AMOTL1: variants seen among roughly 807,000 people sequenced by gnomAD.
The protein encoded by AMOTL1 is angiomotin-like protein 1.
AMOTL1 carries 45 observed loss-of-function variants against 102.9 expected under a neutral mutation model. The observed-to-expected ratio is 0.44, with a 90% CI of 0.34 to 0.56. AMOTL1 has a LOEUF of 0.56. Ranked by LOEUF, AMOTL1 falls within the 20% of genes least tolerant of loss-of-function variation. AMOTL1 has a pLI of 0.01. For missense variants in AMOTL1, 1,114 were observed against 1,225.6 expected, an observed-to-expected ratio of 0.91 and a Z score of 1.36; for synonymous variants, 481 against 484.7, an observed-to-expected ratio of 0.99 and a Z score of 0.10.
At chr11:94,708,013 A>G (rs569455606) in intron 1 of AMOTL1, among the ~76,000 whole-genome samples, 2 of 152,292 alleles carry the variant, frequency 1.3e-5, no homozygotes, top group East Asian at 3.9e-4. Context: ...CAGCACCTGC[A>G]CAATCCAATC....
At chr11:94,796,364 CA>C (rs1157007917) in intron 2 of AMOTL1, among the ~76,000 whole-genome samples, 1 of 152,176 alleles carries the variant, frequency 6.6e-6, no homozygotes, top group Non-Finnish European at 1.5e-5. Flanking sequence ...CCTCAACAAT[CA>C]TGTCCTGAAC....
At chr11:94,731,919 A>G (rs77910647) in intron 2 of AMOTL1, among the ~76,000 whole-genome samples, 3,623 of 152,218 alleles carry the variant, frequency 0.024, 139 homozygotes, top group East Asian at 0.14. Flanking sequence ...TAAAATGAAA[A>G]CTAGCCCTGA....
intron 8 of AMOTL1, among the ~76,000 whole-genome samples, chr11:94,856,077 G>GTTT (rs201609386): frequency 0.061 from 9,307 of 152,152 alleles, 384 homozygotes; most frequent in Middle Eastern, 0.15. Context: ...TGTTGTTGTT[G>GTTT]TTTTAATGAG....
intron 3 of AMOTL1, among the ~76,000 whole-genome samples, chr11:94,750,507 G>A (rs1403250590): frequency 6.6e-6 from 1 of 152,122 alleles, no homozygotes; most frequent in African/African-American, 2.4e-5. Context: ...CCTCCTGATT[G>A]CGACACAAGC....
rs1374805746 is a variant in AMOTL1 at position 94,871,559 on chromosome 11, G to T, written c.*764G>T. On this transcript the variant is annotated 3_prime_UTR_variant, in exon 13 of 13. Coordinates refer to ENST00000433060, the MANE Select transcript of AMOTL1 (RefSeq NM_130847.3). ...ACATAGCAGAATTCCTTAGGTATGG[G>T]ATTTATGAGACCAGTACCTGAACTG... 6.6e-6 allele frequency: 1 copy of T among 151,980 alleles called. No homozygotes were observed. The highest frequency in any genetic ancestry group is 6.6e-5 in the Admixed American group (1 of 15,260). 9.4% of individuals were successfully genotyped at this position (151,980 alleles called of 1,614,324 possible). A position where few individuals can be genotyped will look rare whatever the true frequency, so the allele number is the denominator to read the frequency against.
At chr11:94,810,830 AGACAC>A (rs1483535057) in intron 3 of AMOTL1, among the ~76,000 whole-genome samples, 2 of 65,218 alleles carry the variant, frequency 3.1e-5, no homozygotes, top group African/African-American at 1.3e-4. Context: ...GAAAAATAAA[AGACAC>A]ACACACACAC....
chr11:94,798,573 G>T (rs573855066), intron 2 of AMOTL1, among the ~76,000 whole-genome samples: 1 of 152,156 alleles, frequency 6.6e-6, no homozygotes, highest in Non-Finnish European at 1.5e-5. Flanking sequence ...TCGTCTGGCA[G>T]TTGTAGATGT....
intron 1 of AMOTL1, among the ~76,000 whole-genome samples, chr11:94,787,604 C>T (rs1282971426): frequency 1.4e-5 from 2 of 138,258 alleles, no homozygotes; most frequent in African/African-American, 2.7e-5. Context: ...AGGAGAATGG[C>T]GTGAACCCGG....
chr11:94,749,166 C>T (rs963340685), intron 3 of AMOTL1, among the ~76,000 whole-genome samples: 2 of 152,186 alleles, frequency 1.3e-5, no homozygotes, highest in Non-Finnish European at 2.9e-5. Context: ...GTCTGAAATC[C>T]TCAGAACCAT....
At chr11:94,792,788 C>T (rs1565353427) in intron 1 of AMOTL1, among the ~76,000 whole-genome samples, 1 of 152,118 alleles carries the variant, frequency 6.6e-6, no homozygotes, top group Non-Finnish European at 1.5e-5. Flanking sequence ...TGCTTTAGTT[C>T]TTTCATGACA....
chr11:94,829,053 C>T (rs138998981), intron 4 of AMOTL1, among the ~76,000 whole-genome samples: 3 of 152,178 alleles, frequency 2.0e-5, no homozygotes, highest in African/African-American at 7.2e-5. Context: ...TAGAATAGAG[C>T]TATTTGTTAT....
chr11:94,870,590 G>A, intron 12 of AMOTL1, 99 bp from the exon 13 acceptor site: 1 of 774,296 alleles, frequency 1.3e-6, no homozygotes, highest in Non-Finnish European at 2.0e-6. Flanking sequence ...AGAATCCTGG[G>A]TGTGCAGTGG....
chr11:94,764,846 C>T (rs1950836382), upstream of AMOTL1, among the ~76,000 whole-genome samples: 1 of 152,210 alleles, frequency 6.6e-6, no homozygotes, highest in South Asian at 2.1e-4. Context: ...GTGCCCAGCA[C>T]TTGACCTGTA....
intron 3 of AMOTL1, among the ~76,000 whole-genome samples, chr11:94,754,714 T>G (rs947847301): frequency 6.6e-6 from 1 of 152,238 alleles, no homozygotes. Flanking sequence ...TAAAGGAATT[T>G]TAGGGATATA....
At chr11:94,826,642 C>T (rs1951969348) in intron 4 of AMOTL1, among the ~76,000 whole-genome samples, 1 of 152,146 alleles carries the variant, frequency 6.6e-6, no homozygotes, top group Non-Finnish European at 1.5e-5. Flanking sequence ...CTGCAAAATC[C>T]AGTCTAGTCT....
chr11:94,808,282 C>T (rs140468541), intron 3 of AMOTL1, among the ~76,000 whole-genome samples: 96 of 151,532 alleles, frequency 6.3e-4, no homozygotes, highest in African/African-American at 2.0e-3. Flanking sequence ...ATTCTTTTAC[C>T]CTCCTCTCAC....
chr11:94,731,470 C>A (rs58872675), intron 2 of AMOTL1, among the ~76,000 whole-genome samples: 3,006 of 152,088 alleles, frequency 0.02, 113 homozygotes, highest in African/African-American at 0.068. Context: ...AGTCAGGTGC[C>A]AAAATGAGAA....
chr11:94,813,839 A>G (rs1951723414), intron 3 of AMOTL1, among the ~76,000 whole-genome samples: 1 of 152,180 alleles, frequency 6.6e-6, no homozygotes, highest in East Asian at 1.9e-4. Context: ...AAATCCTACA[A>G]TAATACATTT....
chr11:94,827,950 C>A (rs1431333591), intron 4 of AMOTL1, among the ~76,000 whole-genome samples: 2 of 152,140 alleles, frequency 1.3e-5, no homozygotes, highest in Admixed American at 6.5e-5. Flanking sequence ...GCCTTCTAAT[C>A]TTCTGTTTAC....
Sources: gnomAD v4.1 joint callset for allele counts (sites outside exome capture counted in the v4.1 genomes callset) on GRCh38, gnomAD v4.1.1 for gene constraint, MANE v1.5 for transcripts, NCBI Gene and HGNC (gene_info 2026-07-23, HGNC 2026-07-21) for gene names.